The following TTC34 variants were observed in gnomAD, a reference collection of about 807,000 sequenced individuals.
TTC34 encodes the protein tetratricopeptide repeat domain 34.
Under a neutral mutation model 40.7 loss-of-function variants are expected in TTC34, and 44 were observed. That is an observed-to-expected ratio of 1.08 (90% CI 0.85 to 1.39). The LOEUF (loss-of-function observed/expected upper bound fraction) is 1.39. TTC34 is among the 40% of genes most tolerant of loss of function. TTC34 has a pLI of 0.00. For synonymous variants in TTC34, 422 were observed against 398.6 expected, an observed-to-expected ratio of 1.06 and a Z score of -0.70; for missense variants, 884 against 838.0, an observed-to-expected ratio of 1.05 and a Z score of -0.68.
chr1:2,667,087 G>A (rs1443781494), intron 6 of TTC34, among the ~76,000 whole-genome samples: 17 of 9,056 alleles, frequency 1.9e-3, no homozygotes, highest in South Asian at 5.4e-3. Flanking sequence ...CTGGAGCAGT[G>A]CCCAAACACC....
rs1422878506 is a variant in TTC34, at chr1:2,759,707, C to A, written c.2226+23902G>T. Among the ~76,000 whole-genome samples the A allele has an allele frequency of 7.2e-5, 8 of 110,974 alleles. 2 individuals are homozygous for A. Among genetic ancestry groups the A allele is most frequent in the African/African-American group, 1.3e-4 (3 of 22,578 alleles). The allele number at this position is 110,974 out of a possible 152,430, so 72.8% of individuals were successfully genotyped here. ...CAGGCTTGCATCCGACAGCCTGGAG[C>A]AGGACCCACACCCCGAGGTGAACAT... On this transcript the variant is annotated intron_variant, in intron 6 of 8. Coordinates refer to ENST00000401095, the Ensembl canonical transcript of TTC34.
exon 2 of TTC34, chr1:2,800,344 G>A: frequency 5.0e-6 from 2 of 398,608 alleles, no homozygotes; most frequent in East Asian, 3.6e-5. Context: ...AAGGCCTGGA[G>A]ATAGGCGGCC....
In TTC34 at chr1:2,756,064, C is replaced by T. The variant is rs1227526002; in HGVS notation, c.2226+27545G>A. On this transcript the variant is annotated intron_variant, in intron 6 of 8. Coordinates refer to ENST00000401095, the Ensembl canonical transcript of TTC34. ...CTGACAACCTGGAACAGCACCCATACGCCAAGATGAGCATCTGACAGCGTG... is the reference window on the plus strand; with the variant it reads ...CTGACAACCTGGAACAGCACCCATATGCCAAGATGAGCATCTGACAGCGTG... 2.6e-5 allele frequency among the ~76,000 whole-genome samples: 2 copies of T among 78,318 alleles called. 1 individual carries two copies. Among genetic ancestry groups the T allele is most frequent in the Non-Finnish European group, 4.4e-5 (2 of 44,948 alleles). 51.4% of individuals were successfully genotyped at this position (78,318 alleles called of 152,430 possible).
In TTC34 at chr1:2,786,791, G is replaced by C. The variant is rs1217235456; in HGVS notation, c.1854+690C>G. Among the ~76,000 whole-genome samples the C allele has an allele frequency of 2.0e-5, 3 of 152,182 alleles. No individual in the cohort carries two copies. The East Asian group carries it at 5.8e-4, about 29-fold the overall frequency. ...CCTCTCCGCGACTCCATCCGAAGGA[G>C]GCCCAATGCTGCCCCCTGCTGGCTG... On this transcript the variant is annotated intron_variant, in intron 4 of 8. Transcript: ENST00000401095.
At chr1:2,699,653 C>A (rs372562278) in intron 6 of TTC34, among the ~76,000 whole-genome samples, 2 of 67,936 alleles carry the variant, frequency 2.9e-5, no homozygotes, top group Non-Finnish European at 7.9e-5. Context: ...AGCGCCCAAA[C>A]CCCAAGGTGA....
At chr1:2,777,760 C>G (rs1643323818) in intron 6 of TTC34, among the ~76,000 whole-genome samples, 1 of 151,998 alleles carries the variant, frequency 6.6e-6, no homozygotes, top group Non-Finnish European at 1.5e-5. Flanking sequence ...CGAGGGCCTG[C>G]TGCTCCTACC....
intron 6 of TTC34, among the ~76,000 whole-genome samples, chr1:2,675,080 C>G (rs1287172120): frequency 9.0e-5 from 9 of 100,284 alleles, no homozygotes; most frequent in Admixed American, 3.2e-4. Flanking sequence ...AGTGCCCACA[C>G]ACCCAGGCGA....
intron 6 of TTC34, among the ~76,000 whole-genome samples, chr1:2,762,090 A>C (rs1284747071): frequency 0.057 from 748 of 13,014 alleles, no homozygotes; most frequent in Middle Eastern, 0.11. Flanking sequence ...AGCACACACA[A>C]CCCCAGGCGA....
In TTC34 at chr1:2,752,000, G is replaced by T. The variant is rs1249722720; in HGVS notation, c.2226+31609C>A. The stretch of plus-strand genomic sequence containing the variant: ...GGCGAGCATTTGACAGCCTGGAGCA[G>T]TGCCCACACACCCAGCTGAGCATCT... On this transcript the variant is annotated intron_variant, in intron 6 of 8. Coordinates refer to ENST00000401095, the Ensembl canonical transcript of TTC34. Among the ~76,000 whole-genome samples the T allele has an allele frequency of 2.1e-4, 25 of 116,438 alleles. 8 individuals are homozygous for T. The highest frequency in any genetic ancestry group is 9.6e-4 in the African/African-American group (25 of 26,056). The allele number at this position is 116,438 out of a possible 152,430, so 76.4% of individuals were successfully genotyped here.
chr1:2,775,018 C>T (rs1237057961), intron 6 of TTC34: 4 of 126,522 alleles, frequency 3.2e-5, no homozygotes, highest in African/African-American at 1.2e-4. Flanking sequence ...CCTGGAACAG[C>T]ATCCACACCC....
chr1:2,749,488 A>T (rs1454539321), intron 6 of TTC34, among the ~76,000 whole-genome samples: 47 of 98,018 alleles, frequency 4.8e-4, no homozygotes, highest in African/African-American at 6.8e-4. Context: ...CCACATCCCC[A>T]GGTGAGCATT....
chr1:2,772,939 C>G (rs1385854723), intron 6 of TTC34, among the ~76,000 whole-genome samples: 1 of 144,170 alleles, frequency 6.9e-6, no homozygotes. Flanking sequence ...CACCCATACC[C>G]CCAGGCGAGC....
chr1:2,686,693 G>A (rs1251661074), intron 6 of TTC34, among the ~76,000 whole-genome samples: 6 of 145,974 alleles, frequency 4.1e-5, no homozygotes, highest in Admixed American at 1.4e-4. Flanking sequence ...CCCCAGGTGC[G>A]CACGTGACAG....
chr1:2,756,698 C>T (rs1641518404), intron 6 of TTC34, among the ~76,000 whole-genome samples: 2 of 5,374 alleles, frequency 3.7e-4, no homozygotes, highest in Non-Finnish European at 6.6e-4. Flanking sequence ...CCTGGAACAG[C>T]ACCCACACCC....
At position 2,646,743 on chromosome 1, in the gene TTC34, T is replaced by C. The variant is rs146366796; in HGVS notation, c.2227-1180A>G. Among the ~76,000 whole-genome samples, 674 of 152,360 alleles carry C rather than the reference T, an allele frequency of 4.4e-3. 2 individuals carry two copies. The highest frequency in any genetic ancestry group is 6.2e-3 in the Non-Finnish European group (419 of 68,032). Reference sequence around the variant, plus strand: ...ATTAAAAGAAGAAATAAATACATCATTTTGTATTTGCAGATGCTTTTCATT... The same window carrying C: ...ATTAAAAGAAGAAATAAATACATCACTTTGTATTTGCAGATGCTTTTCATT... On this transcript the variant is annotated intron_variant, in intron 6 of 8. Coordinates refer to ENST00000401095, the Ensembl canonical transcript of TTC34.
At chr1:2,693,099 C>CG (rs1640700827) in intron 6 of TTC34, among the ~76,000 whole-genome samples, 1 of 72,510 alleles carries the variant, frequency 1.4e-5, no homozygotes, top group Admixed American at 1.4e-4. Flanking sequence ...TGGAGCAGCA[C>CG]CCACACCCTC....
chr1:2,698,929 C>T (rs1640995888), intron 6 of TTC34, among the ~76,000 whole-genome samples: 1 of 123,794 alleles, frequency 8.1e-6, no homozygotes, highest in Non-Finnish European at 1.8e-5. Context: ...GTATCCTGCA[C>T]CCTCAGGTGA....
At chr1:2,653,766 A>C (rs796340314) in intron 6 of TTC34, among the ~76,000 whole-genome samples, 22 of 64,664 alleles carry the variant, frequency 3.4e-4, no homozygotes, top group East Asian at 1.4e-3. Flanking sequence ...AGCAGCGCCC[A>C]CACCCCCAGG....
At chr1:2,755,757 T>A (rs1641483285) in intron 6 of TTC34, among the ~76,000 whole-genome samples, 2 of 139,864 alleles carry the variant, frequency 1.4e-5, no homozygotes, top group Non-Finnish European at 3.0e-5. Context: ...CAGGCGAGCA[T>A]CTGACAGCCT....
Sources: gnomAD v4.1 joint callset for allele counts (sites outside exome capture counted in the v4.1 genomes callset) on GRCh38, gnomAD v4.1.1 for gene constraint, MANE v1.5 for transcripts, NCBI Gene and HGNC (gene_info 2026-07-23, HGNC 2026-07-21) for gene names.